Variants in NAP1L4 observed in about 807,000 individuals in gnomAD.
NAP1L4 encodes the protein nucleosome assembly protein 1-like 4.
In NAP1L4, 15 loss-of-function variants were observed where a neutral mutation model predicts 58.2. That is an observed-to-expected ratio of 0.26 (90% CI 0.17 to 0.40). The LOEUF (loss-of-function observed/expected upper bound fraction) is 0.40. Among genes scored for constraint, NAP1L4 ranks in the 10% least tolerant of loss-of-function variants. NAP1L4 has a pLI of 1.00. For missense variants in NAP1L4, 384 were observed against 451.1 expected, an observed-to-expected ratio of 0.85 and a Z score of 1.35; for synonymous variants, 171 against 155.6, an observed-to-expected ratio of 1.10 and a Z score of -0.74.
chr11:2,966,505 A>T (rs1847287360), intron 7 of NAP1L4, among the ~76,000 whole-genome samples: 1 of 152,204 alleles, frequency 6.6e-6, no homozygotes, highest in Non-Finnish European at 1.5e-5. Context: ...TGTAGCTCCC[A>T]CATGAGTGTG....
At chr11:2,970,388 A>AC (rs1847567078) in intron 6 of NAP1L4, among the ~76,000 whole-genome samples, 1 of 151,904 alleles carries the variant, frequency 6.6e-6, no homozygotes, top group Non-Finnish European at 1.5e-5. Flanking sequence ...TAATAATCTG[A>AC]CCTCTTGTTA....
intron 12 of NAP1L4, among the ~76,000 whole-genome samples, chr11:2,953,973 T>C (rs1484595724): frequency 1.3e-5 from 2 of 152,218 alleles, no homozygotes; most frequent in Non-Finnish European, 2.9e-5. Flanking sequence ...AAGCGGTACT[T>C]GGGCTGTGCA....
rs1428616630 is a variant in NAP1L4, at chr11:2,945,590, G to A, written c.*89C>T. 2.0e-6 allele frequency: 3 copies of A among 1,535,744 alleles called. No homozygotes were observed. The highest frequency in any genetic ancestry group is 1.4e-5 in the African/African-American group (1 of 73,040). On this transcript the variant is annotated 3_prime_UTR_variant, in exon 16 of 16. Coordinates refer to ENST00000380542, the MANE Select transcript of NAP1L4 (RefSeq NM_005969.4). ...TGGAGTCCCGACAGCCGGTCTGCCA[G>A]GCACCCGCCTCCGCTTCCTACTGCT... is the stretch of plus-strand genomic sequence containing the variant.
chr11:2,972,277 T>A, intron 4 of NAP1L4, 34 bp from the exon 5 acceptor site: 1 of 1,560,326 alleles, frequency 6.4e-7, no homozygotes, highest in Non-Finnish European at 8.6e-7. Context: ...AACATCCTCA[T>A]GCCTGCAAAA....
chr11:2,983,994 GAA>G (rs60380157), intron 1 of NAP1L4, among the ~76,000 whole-genome samples: 67 of 137,196 alleles, frequency 4.9e-4, no homozygotes, highest in East Asian at 1.3e-3. Context: ...AAAACAAAAA[GAA>G]AAAAAAAAAA....
At chr11:2,970,580 G>A (rs970262770) in intron 6 of NAP1L4, among the ~76,000 whole-genome samples, 3 of 152,162 alleles carry the variant, frequency 2.0e-5, no homozygotes, top group African/African-American at 4.8e-5. Flanking sequence ...AGGGGAGTCA[G>A]GCCCCAGGGA....
In NAP1L4 at chr11:2,975,763, A is replaced by G. The variant is rs546150550; in HGVS notation, c.173+261T>C. Among the ~76,000 whole-genome samples, 656 of 152,026 alleles carry G rather than the reference A, an allele frequency of 4.3e-3. 2 individuals carry two copies. Among genetic ancestry groups the G allele is most frequent in the South Asian group, 0.018 (85 of 4,804 alleles). The stretch of plus-strand genomic sequence containing the variant: ...CCTCTCCAACTCAGATGATCTGTGA[A>G]GTCCTCTAGCCCTCCACAGGATGGC... On this transcript the variant is annotated intron_variant, in intron 4 of 15. Transcript: ENST00000380542.
chr11:2,991,133 G>C (rs897262313), intron 1 of NAP1L4: 5 of 456,002 alleles, frequency 1.1e-5, no homozygotes, highest in Non-Finnish European at 2.2e-5. Flanking sequence ...CCAGAGGAGC[G>C]CACAGTCACC....
rs116096214 is a variant in NAP1L4, at chr11:2,977,152, A to G, written c.74-1029T>C. On this transcript the variant is annotated intron_variant, in intron 3 of 15. Coordinates refer to ENST00000380542, the MANE Select transcript of NAP1L4 (RefSeq NM_005969.4). ...CTGTGTACACATGTGTAGTATATAA[A>G]TACTACATGCATATACAAACACATA... Among the ~76,000 whole-genome samples, 711 of 152,362 alleles carry G rather than the reference A, an allele frequency of 4.7e-3. 4 individuals carry two copies. The highest frequency in any genetic ancestry group is 0.016 in the African/African-American group (676 of 41,580).
intron 8 of NAP1L4, among the ~76,000 whole-genome samples, chr11:2,961,501 T>TAAA (rs34999812): frequency 2.2e-5 from 3 of 138,882 alleles, no homozygotes; most frequent in Non-Finnish European, 3.2e-5. Flanking sequence ...CTCCACGGCT[T>TAAA]AAAAAAAAAA....
chr11:2,985,615 A>G (rs1590276072), intron 1 of NAP1L4, among the ~76,000 whole-genome samples: 1 of 152,260 alleles, frequency 6.6e-6, no homozygotes, highest in African/African-American at 2.4e-5. Context: ...AATGTGAATT[A>G]ACTTGACTTA....
intron 1 of NAP1L4, among the ~76,000 whole-genome samples, chr11:2,991,538 G>A (rs1848966492): frequency 1.3e-5 from 2 of 150,124 alleles, no homozygotes; most frequent in East Asian, 3.9e-4. Flanking sequence ...AGTCCCGTGA[G>A]TAACTAGTCT....
Position 2,949,112 on chromosome 11 carries a change from A to T in NAP1L4, c.*32+115T>A, listed in dbSNP as rs1019559021. On this transcript the variant is annotated intron_variant, in intron 15 of 15. Transcript: ENST00000380542. This position sits in a 1 kb window ranked among gnomAD's most constrained non-coding sequence, Gnocchi z 4.0. ...AACAGACACCTATGTCAAACCTGTG[A>T]CACAGTGAGTGTACCTGGACAGCAA... The T allele has an allele frequency of 2.5e-5, 19 of 772,698 alleles. No individual in the cohort carries two copies. The African/African-American group carries it at 2.6e-4, about 11-fold the overall frequency. The allele number at this position is 772,698 out of a possible 1,614,324, so 47.9% of individuals were successfully genotyped here. A position where few individuals can be genotyped will look rare whatever the true frequency, so the allele number is the denominator to read the frequency against.
chr11:2,958,554 C>T lies in NAP1L4; in HGVS notation c.747-10G>A. On this transcript the variant is annotated splice_polypyrimidine_tract_variant and intron_variant, in intron 9 of 15. Coordinates refer to ENST00000380542, the MANE Select transcript of NAP1L4 (RefSeq NM_005969.4). ...CCAGTCAATAGTACACCTACCAGGA[C>T]AAGACAGCTGTCAGGAACACACAAT... is the stretch of plus-strand genomic sequence containing the variant. The T allele has an allele frequency of 1.2e-6, 2 of 1,611,624 alleles. No homozygotes were observed. The highest frequency in any genetic ancestry group is 2.2e-5 in the East Asian group (1 of 44,868).
rs1845948389 is a variant in NAP1L4, at chr11:2,946,530, C to T, written c.*33-884G>A. On this transcript the variant is annotated intron_variant, in intron 15 of 15. Coordinates refer to ENST00000380542, the MANE Select transcript of NAP1L4 (RefSeq NM_005969.4). The surrounding 1 kb of genome is among the most constrained non-coding windows in gnomAD (Gnocchi z 4.8). ...ATTTCTGGCTAAGATTACAAATTGCCCTTAATCCAGCGTGCCTATGGAACC... is the reference window on the plus strand; with the variant it reads ...ATTTCTGGCTAAGATTACAAATTGCTCTTAATCCAGCGTGCCTATGGAACC... Among the ~76,000 whole-genome samples, 1 of 152,116 alleles carries T rather than the reference C, an allele frequency of 6.6e-6. No homozygotes were observed. Among genetic ancestry groups the T allele is most frequent in the Non-Finnish European group, 1.5e-5 (1 of 68,020 alleles).
At chr11:2,961,644 T>C (rs529061338) in intron 8 of NAP1L4, among the ~76,000 whole-genome samples, 4 of 152,102 alleles carry the variant, frequency 2.6e-5, no homozygotes, top group African/African-American at 4.8e-5. Context: ...ATAAAACAAA[T>C]AGTACTATTA....
chr11:2,980,964 C>T (rs937313427), intron 1 of NAP1L4, among the ~76,000 whole-genome samples: 4 of 151,716 alleles, frequency 2.6e-5, no homozygotes, highest in African/African-American at 9.7e-5. Context: ...CACAGTGGTT[C>T]ATGCCTATAA....
At chr11:2,979,509 A>C (rs1276840510) in intron 1 of NAP1L4, among the ~76,000 whole-genome samples, 1 of 152,172 alleles carries the variant, frequency 6.6e-6, no homozygotes, top group Non-Finnish European at 1.5e-5. Flanking sequence ...GCGGTGGTTC[A>C]CGCCTGTAAT....
chr11:2,968,988 GT>G (rs61176259), intron 7 of NAP1L4, among the ~76,000 whole-genome samples: 58,720 of 113,300 alleles, frequency 0.52, 13,076 homozygotes, highest in African/African-American at 0.65. Flanking sequence ...TTGTTGTGTT[GT>G]TTTTTTTTTT....
Sources: gnomAD v4.1 joint callset for allele counts (sites outside exome capture counted in the v4.1 genomes callset) on GRCh38, gnomAD v4.1.1 for gene constraint, Gnocchi (gnomAD v3.1) non-coding constraint, MANE v1.5 for transcripts, NCBI Gene and HGNC (gene_info 2026-07-23, HGNC 2026-07-21) for gene names.